NWD1: variants seen among roughly 807,000 people sequenced by gnomAD.
The protein encoded by NWD1 is NACHT domain- and WD repeat-containing protein 1.
A neutral mutation model predicts 135.1 loss-of-function variants in NWD1; 129 were observed. That is an observed-to-expected ratio of 0.96 (90% CI 0.83 to 1.11). The LOEUF (loss-of-function observed/expected upper bound fraction) is 1.11, where lower values mean the gene tolerates loss of function less well. Ranked by LOEUF, NWD1 falls within the 50% of genes least tolerant of loss-of-function variation. The pLI, the probability that NWD1 is intolerant of heterozygous loss-of-function variation, is 0.00. For synonymous variants in NWD1, 773 were observed against 786.0 expected, an observed-to-expected ratio of 0.98 and a Z score of 0.28; for missense variants, 1,740 against 1,851.3, an observed-to-expected ratio of 0.94 and a Z score of 1.10.
intron 8 of NWD1, among the ~76,000 whole-genome samples, 168 bp downstream of exon 8, chr19:16,762,306 T>TTTTTC: frequency 6.8e-6 from 1 of 146,810 alleles, no homozygotes; most frequent in Non-Finnish European, 1.5e-5. Context: ...CCTTTTTTTT[T>TTTTTC]TTTTTTTTGA....
chr19:16,780,446 G>A (rs1000175006), intron 12 of NWD1, among the ~76,000 whole-genome samples: 4 of 152,028 alleles, frequency 2.6e-5, no homozygotes, highest in East Asian at 1.9e-4. Context: ...GTGAGCCACC[G>A]TGCCCAGCCA....
chr19:16,763,337 G>A (rs1359486933), intron 8 of NWD1, among the ~76,000 whole-genome samples: 1 of 151,980 alleles, frequency 6.6e-6, no homozygotes, highest in Admixed American at 6.6e-5. Context: ...CCTCAGTCTT[G>A]AGCCTGACCT....
intron 2 of NWD1, among the ~76,000 whole-genome samples, chr19:16,726,532 T>C (rs1267874867): frequency 2.0e-5 from 3 of 151,998 alleles, no homozygotes; most frequent in Middle Eastern, 3.4e-3. Context: ...CTCCACCTCC[T>C]GAGTTCAAGC....
chr19:16,732,240 A>G (rs1433049006), intron 3 of NWD1, among the ~76,000 whole-genome samples: 1 of 147,932 alleles, frequency 6.8e-6, no homozygotes, highest in Non-Finnish European at 1.5e-5. Flanking sequence ...AAAAAGGCAG[A>G]TGGAGGGGTT....
intron 11 of NWD1, among the ~76,000 whole-genome samples, chr19:16,776,997 GA>G (rs1969625685): frequency 8.8e-6 from 1 of 113,564 alleles, no homozygotes. Context: ...GGAAGGGAGG[GA>G]AAGGAGAGGG....
intron 6 of NWD1, among the ~76,000 whole-genome samples, chr19:16,757,689 A>G (rs2122859781): frequency 6.6e-6 from 1 of 152,284 alleles, no homozygotes; most frequent in East Asian, 1.9e-4. Context: ...AGGGATGAAG[A>G]TAGGCTCTCA....
At chr19:16,744,153 CTGAGA>C (rs1469380313) in intron 4 of NWD1, among the ~76,000 whole-genome samples, 2 of 152,018 alleles carry the variant, frequency 1.3e-5, no homozygotes, top group Admixed American at 6.6e-5. Context: ...CTTTGTGAGG[CTGAGA>C]TGAGAGGATC....
In NWD1 at chr19:16,750,062, G is replaced by A. The variant is rs771263113; in HGVS notation, c.1420G>A (p.Gly474Arg). 3.7e-6 allele frequency: 6 copies of A among 1,614,012 alleles called. No homozygotes were observed. The East Asian group carries it at 1.3e-4, about 36-fold the overall frequency. ...LILSACSGAL[G>R]VLDTLQRVLL... ...CCTCTCAGCTTGCTCGGGGGCACTG[G>A]GGGTTTTGGACACCTTGCAGCGGGT... The change falls in exon 6 of 19, where the codon GGG becomes AGG. Residue 474 changes from glycine (G) to arginine (R), a missense_variant. By Grantham distance (125) the Gly-to-Arg change is moderately radical. Coordinates refer to ENST00000524140, the MANE Select transcript of NWD1 (RefSeq NM_001007525.5).
Position 16,750,699 on chromosome 19 carries a change from G to A in NWD1, c.1769+288G>A, listed in dbSNP as rs556418892. Among the ~76,000 whole-genome samples the A allele has an allele frequency of 9.2e-5, 14 of 151,826 alleles. No homozygotes were observed. In the South Asian group the frequency reaches 2.9e-3, roughly 32 times the overall value. ...CACCCAGGCTGGAGTGCAGTGGCAT[G>A]ATCATAGCTCACTGCAGTCTCCAAC... is the stretch of plus-strand genomic sequence containing the variant. On this transcript the variant is annotated intron_variant, in intron 6 of 18. Transcript: ENST00000524140.
intron 18 of NWD1, among the ~76,000 whole-genome samples, chr19:16,813,421 G>T (rs991513647): frequency 6.6e-6 from 1 of 152,080 alleles, no homozygotes; most frequent in African/African-American, 2.4e-5. Flanking sequence ...TTGGATGTGG[G>T]TCTTATTTCA....
At chr19:16,782,812 C>T (rs1969900317) in intron 12 of NWD1, among the ~76,000 whole-genome samples, 1 of 152,036 alleles carries the variant, frequency 6.6e-6, no homozygotes, top group African/African-American at 2.4e-5. Flanking sequence ...GAGTGAGATC[C>T]TGTCTTTTGG....
intron 2 of NWD1, among the ~76,000 whole-genome samples, chr19:16,725,971 CT>C (rs71180319): frequency 0.32 from 46,964 of 147,908 alleles, 7,816 homozygotes; most frequent in Middle Eastern, 0.49. Flanking sequence ...TTTTTTTTTG[CT>C]TTTTTTTTAG....
chr19:16,750,952 T>C (rs572459423), intron 6 of NWD1, among the ~76,000 whole-genome samples: 140 of 152,288 alleles, frequency 9.2e-4, no homozygotes, highest in African/African-American at 3.3e-3. Context: ...CCAGGCGTGG[T>C]GGCTCACACC....
chr19:16,741,054 G>C (rs1968058069), intron 4 of NWD1, among the ~76,000 whole-genome samples: 1 of 152,138 alleles, frequency 6.6e-6, no homozygotes. Context: ...CAGCTACTTG[G>C]GAGGCTGAGG....
At chr19:16,798,656 A>T (rs1450911612) in intron 16 of NWD1, among the ~76,000 whole-genome samples, 1 of 152,094 alleles carries the variant, frequency 6.6e-6, no homozygotes, top group Non-Finnish European at 1.5e-5. Context: ...ACCAAGTCTC[A>T]CTCAGTCGCC....
Position 16,797,712 on chromosome 19 carries a change from C to G in NWD1, c.3305-20C>G. 3 of 1,610,426 alleles carry G rather than the reference C, an allele frequency of 1.9e-6. No homozygotes were observed. The highest frequency in any genetic ancestry group is 2.5e-6 in the Non-Finnish European group (3 of 1,177,884). On this transcript the variant is annotated intron_variant, in intron 15 of 18. Transcript: ENST00000524140. ...CTCCTCTGGACATGAGAGGTGTAAC[C>G]CCAGTTCCTGCCGTTTCAGGCTTTG...
intron 14 of NWD1, 38 bp downstream of exon 14, chr19:16,791,660 C>T: frequency 1.3e-6 from 2 of 1,597,856 alleles, no homozygotes; most frequent in East Asian, 4.5e-5. Context: ...AACATTAACT[C>T]AGCTTGAAAG....
chr19:16,763,797 C>A, intron 8 of NWD1, 31 bp from the exon 9 acceptor site: 2 of 1,378,184 alleles, frequency 1.5e-6, no homozygotes, highest in Non-Finnish European at 2.1e-6. Context: ...GGGTTTGTGT[C>A]CAAGCTGCAG....
intron 4 of NWD1, among the ~76,000 whole-genome samples, chr19:16,739,657 G>A (rs1040096061): frequency 1.1e-4 from 17 of 152,098 alleles, no homozygotes; most frequent in Non-Finnish European, 8.8e-5. Flanking sequence ...TTGTGGGGGC[G>A]CCTTCCACAA....
Sources: allele counts gnomAD v4.1 joint callset (sites outside exome capture counted in the v4.1 genomes callset), GRCh38; gene constraint gnomAD v4.1.1; transcripts MANE v1.5; gene names NCBI Gene and HGNC (gene_info 2026-07-23, HGNC 2026-07-21).